CAMK1D: variants seen among roughly 807,000 people sequenced by gnomAD.
CAMK1D encodes calcium/calmodulin dependent protein kinase ID.
In CAMK1D, 9 loss-of-function variants were observed where a neutral mutation model predicts 47.7. That is an observed-to-expected ratio of 0.19 (90% CI 0.11 to 0.33). The LOEUF (loss-of-function observed/expected upper bound fraction) is 0.33. Ranked by LOEUF, CAMK1D falls within the 10% of genes least tolerant of loss-of-function variation. CAMK1D has a pLI of 1.00. For missense variants in CAMK1D, 291 were observed against 488.7 expected, an observed-to-expected ratio of 0.60 and a Z score of 3.81; for synonymous variants, 184 against 184.9, an observed-to-expected ratio of 0.99 and a Z score of 0.04.
intron 1 of CAMK1D, among the ~76,000 whole-genome samples, chr10:12,472,107 T>C (rs1429614798): frequency 6.6e-6 from 1 of 152,028 alleles, no homozygotes; most frequent in African/African-American, 2.4e-5. Flanking sequence ...TTGATTCCTG[T>C]TTAATCTGAG....
In CAMK1D at chr10:12,515,500, G is replaced by T. The variant is rs376049794; in HGVS notation, c.93-37725G>T. Among the ~76,000 whole-genome samples the T allele has an allele frequency of 6.3e-3, 808 of 128,052 alleles. 19 individuals carry two copies. Among genetic ancestry groups the T allele is most frequent in the East Asian group, 0.037 (166 of 4,506 alleles). The allele number at this position is 128,052 out of a possible 152,430, so 84.0% of individuals were successfully genotyped here. On this transcript the variant is annotated intron_variant, in intron 1 of 10. Transcript: ENST00000619168. The stretch of plus-strand genomic sequence containing the variant: ...AGTTACATATGTATACATGTGCCAT[G>T]CTGGTGCGCTGCACCCACTAACTCG...
rs550612554 is a variant in CAMK1D at position 12,615,608 on chromosome 10, ATG to A, written c.225-51126_225-51125del. ...GTAGGTGTGTATTGTGTTTGCAAGTATGTATACGTATGTGTAGTGTGAGTGCA... is the reference window on the plus strand; with the variant it reads ...GTAGGTGTGTATTGTGTTTGCAAGTATATACGTATGTGTAGTGTGAGTGCA... On this transcript the variant is annotated intron_variant, in intron 2 of 10. Coordinates refer to ENST00000619168, the MANE Select transcript of CAMK1D (RefSeq NM_153498.4). Among the ~76,000 whole-genome samples, 158 of 147,650 alleles carry A rather than the reference ATG, an allele frequency of 1.1e-3. 4 individuals carry two copies. Among genetic ancestry groups the A allele is most frequent in the African/African-American group, 3.8e-3 (151 of 39,792 alleles).
intron 3 of CAMK1D, among the ~76,000 whole-genome samples, chr10:12,751,250 T>G (rs1439025506): frequency 6.6e-6 from 1 of 152,060 alleles, no homozygotes; most frequent in East Asian, 1.9e-4. Flanking sequence ...GTGCAAAATA[T>G]TTATTTATTT....
rs187591840 is a variant in CAMK1D at position 12,523,190 on chromosome 10, C to T, written c.93-30035C>T. Among the ~76,000 whole-genome samples, 1,098 of 148,976 alleles carry T rather than the reference C, an allele frequency of 7.4e-3. 25 individuals are homozygous for T. Among genetic ancestry groups the T allele is most frequent in the East Asian group, 0.044 (217 of 4,980 alleles). On this transcript the variant is annotated intron_variant, in intron 1 of 10. Coordinates refer to ENST00000619168, the MANE Select transcript of CAMK1D (RefSeq NM_153498.4). The stretch of plus-strand genomic sequence containing the variant: ...GGCGCTCCTCACATCCCAGACGGGG[C>T]GGTGGGGCAGAGGTGCTCCCCACAT...
intron 1 of CAMK1D, among the ~76,000 whole-genome samples, chr10:12,388,285 C>T (rs1838595588): frequency 6.6e-6 from 1 of 152,162 alleles, no homozygotes; most frequent in Non-Finnish European, 1.5e-5. Context: ...CCTTGACCTC[C>T]CAAAGTGCTG....
chr10:12,465,156 C>A (rs986862272), intron 1 of CAMK1D, among the ~76,000 whole-genome samples: 1 of 152,132 alleles, frequency 6.6e-6, no homozygotes, highest in African/African-American at 2.4e-5. Flanking sequence ...GATAGTGGGG[C>A]AGCATTTCTT....
intron 2 of CAMK1D, among the ~76,000 whole-genome samples, chr10:12,611,960 G>T (rs1212662966): frequency 2.0e-5 from 3 of 152,152 alleles, no homozygotes; most frequent in Admixed American, 6.5e-5. Flanking sequence ...TCCACTTCAT[G>T]AAGCATTTCA....
At chr10:12,738,706 C>T (rs1445482920) in intron 3 of CAMK1D, among the ~76,000 whole-genome samples, 1 of 151,960 alleles carries the variant, frequency 6.6e-6, no homozygotes, top group Non-Finnish European at 1.5e-5. Context: ...GTGGCTCGCA[C>T]CTGTAATCCC....
At chr10:12,615,904 TGGTGTGTGTATA>T (rs747620033) in intron 2 of CAMK1D, among the ~76,000 whole-genome samples, 7 of 151,356 alleles carry the variant, frequency 4.6e-5, no homozygotes, top group Non-Finnish European at 7.4e-5. Context: ...GAGCATGTGC[TGGTGTGTGTATA>T]GGTGTGTGTA....
At chr10:12,481,612 T>A (rs1834067994) in intron 1 of CAMK1D, among the ~76,000 whole-genome samples, 1 of 152,050 alleles carries the variant, frequency 6.6e-6, no homozygotes, top group Non-Finnish European at 1.5e-5. Context: ...CAGGTTCCAG[T>A]GATTCTCCTG....
At chr10:12,494,410 A>G (rs1169008524) in intron 1 of CAMK1D, among the ~76,000 whole-genome samples, 1 of 152,158 alleles carries the variant, frequency 6.6e-6, no homozygotes, top group African/African-American at 2.4e-5. Flanking sequence ...TTAATGTTAC[A>G]CACACACGTA....
intron 5 of CAMK1D, among the ~76,000 whole-genome samples, chr10:12,784,551 G>A (rs2130977098): frequency 6.6e-6 from 1 of 152,252 alleles, no homozygotes; most frequent in African/African-American, 2.4e-5. Flanking sequence ...TTCACACACT[G>A]AGAGTTAGGG....
chr10:12,589,373 GT>G (rs1837929510), intron 2 of CAMK1D, among the ~76,000 whole-genome samples: 1 of 152,194 alleles, frequency 6.6e-6, no homozygotes, highest in Non-Finnish European at 1.5e-5. Context: ...ACCCAGAATG[GT>G]TTGGTGTCTA....
chr10:12,607,742 C>A (rs974748900), intron 2 of CAMK1D, among the ~76,000 whole-genome samples: 1 of 152,166 alleles, frequency 6.6e-6, no homozygotes, highest in Non-Finnish European at 1.5e-5. Flanking sequence ...GGGAGGATCA[C>A]TTGAGATTAG....
chr10:12,607,235 C>T (rs527980036), intron 2 of CAMK1D, among the ~76,000 whole-genome samples: 198 of 152,324 alleles, frequency 1.3e-3, no homozygotes, highest in Admixed American at 3.6e-3. Flanking sequence ...GGCCTCCCTC[C>T]CTTTCTTCTT....
intron 1 of CAMK1D, among the ~76,000 whole-genome samples, chr10:12,440,902 C>T (rs531855232): frequency 1.6e-4 from 25 of 152,320 alleles, no homozygotes; most frequent in African/African-American, 5.8e-4. Flanking sequence ...AGGGAGGTCA[C>T]TCTCTAACCT....
intron 2 of CAMK1D, among the ~76,000 whole-genome samples, chr10:12,627,996 G>A (rs983519021): frequency 5.3e-5 from 8 of 151,578 alleles, no homozygotes; most frequent in Non-Finnish European, 7.4e-5. Flanking sequence ...CAGGGGAATC[G>A]CTTGAACCTG....
intron 5 of CAMK1D, among the ~76,000 whole-genome samples, chr10:12,782,282 T>G (rs898656267): frequency 6.6e-6 from 1 of 152,206 alleles, no homozygotes; most frequent in Admixed American, 6.5e-5. Flanking sequence ...CCTCATTGTC[T>G]TAATTTTTTC....
rs553119405 is a variant in CAMK1D at position 12,528,846 on chromosome 10, A to G, written c.93-24379A>G. Among the ~76,000 whole-genome samples the G allele has an allele frequency of 3.8e-4, 58 of 151,756 alleles. No individual in the cohort carries two copies. In the South Asian group the frequency reaches 0.011, roughly 29 times the overall value. On this transcript the variant is annotated intron_variant, in intron 1 of 10. Transcript: ENST00000619168. The stretch of plus-strand genomic sequence containing the variant: ...AGCCTCAAACTCCTAGGGTCAAGCA[A>G]TCCTCCTGCTTCAGCCTCCTGAGTA...
Sources: gnomAD v4.1 joint callset for allele counts (sites outside exome capture counted in the v4.1 genomes callset) on GRCh38, gnomAD v4.1.1 for gene constraint, MANE v1.5 for transcripts, NCBI Gene and HGNC (gene_info 2026-07-23, HGNC 2026-07-21) for gene names.